Variants in TUSC3 observed in about 807,000 individuals in gnomAD.
TUSC3 encodes the protein tumor suppressor candidate 3, also known as dolichyl-diphosphooligosaccharide--protein glycosyltransferase subunit TUSC3.
Under a neutral mutation model 44.8 loss-of-function variants are expected in TUSC3, and 45 were observed. The observed-to-expected ratio is 1.00, with a 90% CI of 0.79 to 1.29. The LOEUF (loss-of-function observed/expected upper bound fraction) is 1.29, where lower values mean the gene tolerates loss of function less well. Ranked by LOEUF, TUSC3 falls within the 50% of genes most tolerant of loss-of-function variation. The pLI, the probability that TUSC3 is intolerant of heterozygous loss-of-function variation, is 0.00. For missense variants in TUSC3, 519 were observed against 437.9 expected, an observed-to-expected ratio of 1.19 and a Z score of -1.65; for synonymous variants, 212 against 152.9, an observed-to-expected ratio of 1.39 and a Z score of -2.85.
the TUSC3 span, among the ~76,000 whole-genome samples, chr8:15,780,046 A>T: frequency 2.5e-4 from 38 of 152,312 alleles, no homozygotes; most frequent in African/African-American, 8.7e-4. Context: ...CAAACTAGCA[A>T]TGTGTTATGC....
At chr8:15,473,290 C>G (rs1035289920) in intron 1 of TUSC3, among the ~76,000 whole-genome samples, 1 of 152,162 alleles carries the variant, frequency 6.6e-6, no homozygotes, top group Non-Finnish European at 1.5e-5. Context: ...AGGGGTACAA[C>G]CTTGTGTGTT....
At chr8:15,787,251 ACAAG>A in the TUSC3 span, among the ~76,000 whole-genome samples, 1 of 152,156 alleles carries the variant, frequency 6.6e-6, no homozygotes, top group East Asian at 1.9e-4. Context: ...CTACATGTAA[ACAAG>A]CTATTTTTAC....
At chr8:15,528,706 C>T (rs575181672) in intron 2 of TUSC3, among the ~76,000 whole-genome samples, 11 of 152,192 alleles carry the variant, frequency 7.2e-5, no homozygotes, top group African/African-American at 2.7e-4. Flanking sequence ...TCCTGTGACC[C>T]TCTTGGATTC....
At chr8:15,839,428 G>C in the TUSC3 span, among the ~76,000 whole-genome samples, 1 of 151,868 alleles carries the variant, frequency 6.6e-6, no homozygotes, top group Admixed American at 6.6e-5. Flanking sequence ...GCATCCCTGA[G>C]TGAACAGGCA....
In TUSC3 at chr8:15,724,767, G is replaced by A. The variant is rs181750575; in HGVS notation, c.799-5899G>A. 6.3e-3 allele frequency among the ~76,000 whole-genome samples: 961 copies of A among 152,304 alleles called. 8 individuals are homozygous for A. Among genetic ancestry groups the A allele is most frequent in the South Asian group, 0.022 (105 of 4,832 alleles). On this transcript the variant is annotated intron_variant, in intron 6 of 10. Coordinates refer to ENST00000503731, the MANE Select transcript of TUSC3 (RefSeq NM_006765.4). ...AGTACTTTTTCATGATGTTTTCAAG[G>A]AGGGTGAAAGAAAATAGATGGGAAA...
chr8:15,614,771 A>T (rs1397563884), intron 1 of TUSC3, among the ~76,000 whole-genome samples: 1 of 152,114 alleles, frequency 6.6e-6, no homozygotes, highest in African/African-American at 2.4e-5. Context: ...TGGACATAGT[A>T]ATCTGTGAAA....
the TUSC3 span, among the ~76,000 whole-genome samples, chr8:15,846,648 G>A: frequency 2.0e-5 from 3 of 152,132 alleles, no homozygotes; most frequent in East Asian, 1.9e-4. Flanking sequence ...ACTCATAAGT[G>A]GGAATTGAGG....
chr8:15,483,999 G>C (rs1006135778), intron 2 of TUSC3, among the ~76,000 whole-genome samples: 3 of 152,050 alleles, frequency 2.0e-5, no homozygotes, highest in Admixed American at 6.6e-5. Context: ...TATAAATGTT[G>C]AGGTAATTGA....
intron 6 of TUSC3, among the ~76,000 whole-genome samples, chr8:15,697,946 T>G (rs776910891): frequency 1.3e-5 from 2 of 152,362 alleles, no homozygotes; most frequent in South Asian, 2.1e-4. Context: ...CAGAGTTTAA[T>G]ATCTTTGAAA....
At chr8:15,547,596 G>A (rs192169365) in intron 1 of TUSC3, among the ~76,000 whole-genome samples, 10 of 151,714 alleles carry the variant, frequency 6.6e-5, no homozygotes, top group South Asian at 4.2e-4. Flanking sequence ...GATTGTTGTC[G>A]TAGATTGAAT....
chr8:15,491,734 A>G (rs1390123989), intron 2 of TUSC3, among the ~76,000 whole-genome samples: 1 of 152,154 alleles, frequency 6.6e-6, no homozygotes, highest in East Asian at 1.9e-4. Context: ...ATTTTTGTCT[A>G]CTACCGGCCA....
chr8:15,770,016 G>A (rs1375029280), downstream of TUSC3, among the ~76,000 whole-genome samples: 1 of 152,110 alleles, frequency 6.6e-6, no homozygotes, highest in African/African-American at 2.4e-5. Context: ...GATTCCTCAA[G>A]GTTCTAGAAT....
At chr8:15,560,588 C>A (rs1482920948) in intron 1 of TUSC3, among the ~76,000 whole-genome samples, 1 of 140,262 alleles carries the variant, frequency 7.1e-6, no homozygotes, top group East Asian at 2.0e-4. Flanking sequence ...GGATAATATC[C>A]TGCAGAGTGT....
intron 5 of TUSC3, among the ~76,000 whole-genome samples, chr8:15,671,660 G>A (rs778559535): frequency 1.3e-5 from 2 of 151,934 alleles, no homozygotes; most frequent in Non-Finnish European, 2.9e-5. Flanking sequence ...TTTTTAAACT[G>A]GTGACATACC....
Position 15,735,935 on chromosome 8 carries a change from A to G in TUSC3, c.862+5206A>G, listed in dbSNP as rs557267048. ...AGTAGAGACGGGGTTTCACTGTGTT[A>G]GCCAGGATGGTCTCGATCTCCTGAC... is the stretch of plus-strand genomic sequence containing the variant. On this transcript the variant is annotated intron_variant, in intron 7 of 10. Transcript: ENST00000503731. Among the ~76,000 whole-genome samples, 22 of 143,444 alleles carry G rather than the reference A, an allele frequency of 1.5e-4. No homozygotes were observed. In the East Asian group the frequency reaches 2.2e-3, roughly 15 times the overall value. 94.1% of individuals were successfully genotyped at this position (143,444 alleles called of 152,430 possible).
At position 15,497,007 on chromosome 8, in the gene TUSC3, A is replaced by C. The variant is rs748969691; in HGVS notation, n.189+13524A>C. Among the ~76,000 whole-genome samples the C allele has an allele frequency of 5.5e-4, 84 of 152,334 alleles. 1 individual carries two copies. Among genetic ancestry groups the C allele is most frequent in the Admixed American group, 5.1e-3 (78 of 15,310 alleles). On this transcript the variant is annotated intron_variant and non_coding_transcript_variant, in intron 2 of 5. Coordinates refer to the TUSC3 transcript ENST00000503191. ...TGAACAAAACAGAAAAAAATCCTCT[A>C]TCTCTAAAAAGATAGGGGAAGCAGA...
chr8:15,467,162 A>T (rs1800425143), intron 1 of TUSC3, among the ~76,000 whole-genome samples: 1 of 152,014 alleles, frequency 6.6e-6, no homozygotes, highest in Non-Finnish European at 1.5e-5. Context: ...ATTAAAAGAC[A>T]ACACTGTTAG....
rs78254937 is a variant in TUSC3 at position 15,502,167 on chromosome 8, C to G, written n.189+18684C>G. Among the ~76,000 whole-genome samples, 1,290 of 152,232 alleles carry G rather than the reference C, an allele frequency of 8.5e-3. 7 individuals are homozygous for G. Among genetic ancestry groups the G allele is most frequent in the Non-Finnish European group, 0.014 (982 of 68,006 alleles). On this transcript the variant is annotated intron_variant and non_coding_transcript_variant, in intron 2 of 5. Transcript: ENST00000503191. ...GTGTAAACACTGTTCACGTGTAAGT[C>G]AAATTGCAAACTATGATTTTTGTCT...
chr8:15,744,225 T>C (rs1264925512), intron 8 of TUSC3, among the ~76,000 whole-genome samples: 1 of 152,210 alleles, frequency 6.6e-6, no homozygotes, highest in East Asian at 1.9e-4. Flanking sequence ...CTGTGGCTTT[T>C]CTTTGATGGG....
Sources: gnomAD v4.1 joint callset for allele counts (sites outside exome capture counted in the v4.1 genomes callset) on GRCh38, gnomAD v4.1.1 for gene constraint, MANE v1.5 for transcripts, NCBI Gene and HGNC (gene_info 2026-07-23, HGNC 2026-07-21) for gene names.